SEPTIN2: variants seen among roughly 807,000 people sequenced by gnomAD.
SEPTIN2 encodes the protein septin-2.
Under a neutral mutation model 46.5 loss-of-function variants are expected in SEPTIN2, and 34 were observed. The observed-to-expected ratio is 0.73, with a 90% CI of 0.56 to 0.97. The LOEUF is 0.97. SEPTIN2 is among the 50% of genes least tolerant of loss of function. SEPTIN2 has a pLI of 0.00. For synonymous variants in SEPTIN2, 175 were observed against 153.4 expected (o/e 1.14, Z -1.04); for missense variants, 347 against 448.4 (o/e 0.77, Z 2.04).
At position 241,315,925 on chromosome 2, in the gene SEPTIN2, A is replaced by G. The variant is rs1200712527; in HGVS notation, c.-75A>G. 1.3e-5 allele frequency: 2 copies of G among 151,494 alleles called. No individual in the cohort carries two copies. Among genetic ancestry groups the G allele is most frequent in the African/African-American group, 4.9e-5 (2 of 41,212 alleles). 9.4% of individuals were successfully genotyped at this position (151,494 alleles called of 1,614,324 possible). A position where few individuals can be genotyped will look rare whatever the true frequency, so the allele number is the denominator to read the frequency against. ...TGGGGCGGGCTGTGAGCGGACCGCG[A>G]GCGCTGGGCGGGTCCGCGGCGCGGT... On this transcript the variant is annotated 5_prime_UTR_variant, in exon 1 of 13. Coordinates refer to ENST00000391971, the MANE Select transcript of SEPTIN2 (RefSeq NM_004404.5).
chr2:241,338,974 A>T (rs1228579728), intron 7 of SEPTIN2, among the ~76,000 whole-genome samples: 1 of 107,506 alleles, frequency 9.3e-6, no homozygotes, highest in Non-Finnish European at 1.7e-5. Context: ...TATAAATATA[A>T]TATATAAATA....
In SEPTIN2 at chr2:241,324,210, TA is replaced by T; in HGVS notation, c.-17-4del. The T allele has an allele frequency of 6.2e-7, 1 of 1,610,068 alleles. No individual in the cohort carries two copies. The highest frequency in any genetic ancestry group is 2.2e-5 in the East Asian group (1 of 44,836). On this transcript the variant is annotated splice_polypyrimidine_tract_variant and splice_region_variant and intron_variant, in intron 1 of 12. Coordinates refer to ENST00000391971, the MANE Select transcript of SEPTIN2 (RefSeq NM_004404.5). Reference sequence around the variant, plus strand: ...TATGTGTGTCTGTGTGTTTTTTTTTTAACAGACGAAGCTTCACAAAAGATGT... The same window carrying T: ...TATGTGTGTCTGTGTGTTTTTTTTTTACAGACGAAGCTTCACAAAAGATGT...
intron 3 of SEPTIN2, among the ~76,000 whole-genome samples, chr2:241,326,637 T>C (rs2149913618): frequency 6.8e-6 from 1 of 148,062 alleles, no homozygotes; most frequent in Middle Eastern, 3.4e-3. Context: ...GACTAGGTCA[T>C]AAAAGGCATT....
At chr2:241,348,225 G>T (rs1477580126) in intron 11 of SEPTIN2, 34 bp downstream of exon 11, 2 of 1,593,654 alleles carry the variant, frequency 1.3e-6, no homozygotes, top group African/African-American at 1.3e-5. Flanking sequence ...TGGTTGGTTG[G>T]TTGGTTGTTT....
intron 1 of SEPTIN2, chr2:241,316,605 T>G: frequency 7.4e-7 from 1 of 1,349,096 alleles, no homozygotes; most frequent in Non-Finnish European, 9.8e-7. Context: ...GCCGCCGAGT[T>G]GGCCCGGGGA....
Position 241,352,413 on chromosome 2 carries a change from A to C in SEPTIN2, c.*476A>C, listed in dbSNP as rs985005401. On this transcript the variant is annotated 3_prime_UTR_variant, in exon 13 of 13. Coordinates refer to ENST00000391971, the MANE Select transcript of SEPTIN2 (RefSeq NM_004404.5). ...TGGTGCAAGGCCATCTGCTTACCAC[A>C]TCACACCACTTGGAGATCTTTGCTT... 6.6e-6 allele frequency: 1 copy of C among 152,654 alleles called. No individual in the cohort carries two copies. 9.5% of individuals were successfully genotyped at this position (152,654 alleles called of 1,614,324 possible).
intron 1 of SEPTIN2, 49 bp from the exon 2 acceptor site, chr2:241,324,167 A>G (rs180712829): frequency 5.1e-6 from 8 of 1,578,210 alleles, no homozygotes; most frequent in Middle Eastern, 1.7e-4. Flanking sequence ...GTATACATAC[A>G]TACTATGTAT....
intron 7 of SEPTIN2, among the ~76,000 whole-genome samples, chr2:241,338,860 AAAT>A (rs1351239855): frequency 4.4e-5 from 4 of 90,220 alleles, no homozygotes; most frequent in East Asian, 2.7e-4. Context: ...ATATATATAA[AAAT>A]ATATATATTT....
chr2:241,329,195 G>A (rs2078551575), intron 3 of SEPTIN2, among the ~76,000 whole-genome samples: 1 of 151,386 alleles, frequency 6.6e-6, no homozygotes, highest in Non-Finnish European at 1.5e-5. Flanking sequence ...GCACGATCTT[G>A]GCTCACTGCA....
At chr2:241,339,547 A>G (rs1209922469) in intron 7 of SEPTIN2, among the ~76,000 whole-genome samples, 1 of 152,148 alleles carries the variant, frequency 6.6e-6, no homozygotes, top group East Asian at 1.9e-4. Flanking sequence ...TCATATATAT[A>G]CTGTATCCTA....
chr2:241,321,226 G>A (rs1162222369), intron 1 of SEPTIN2, among the ~76,000 whole-genome samples: 1 of 151,714 alleles, frequency 6.6e-6, no homozygotes, highest in African/African-American at 2.4e-5. Flanking sequence ...TACTGAATCT[G>A]TCCGGTTCTC....
chr2:241,338,941 T>TATATTATATATATAATATATATTATAA (rs2080810891), intron 7 of SEPTIN2, among the ~76,000 whole-genome samples: 1 of 97,736 alleles, frequency 1.0e-5, no homozygotes, highest in Non-Finnish European at 1.9e-5. Context: ...ATTTATTATA[T>TATATTATATATATAATATATATTATAA]ATATTATATA....
intron 1 of SEPTIN2, among the ~76,000 whole-genome samples, chr2:241,323,695 A>G (rs181398713): frequency 2.8e-4 from 42 of 152,362 alleles, no homozygotes; most frequent in African/African-American, 9.9e-4. Context: ...ATTTAAGTAC[A>G]GAGTGTAAGC....
chr2:241,338,837 TAA>T, intron 7 of SEPTIN2, among the ~76,000 whole-genome samples: 1 of 99,072 alleles, frequency 1.0e-5, no homozygotes, highest in African/African-American at 4.8e-5. Flanking sequence ...ATAATATATA[TAA>T]TAAATATATA....
intron 2 of SEPTIN2, 42 bp from the exon 3 acceptor site, chr2:241,325,951 C>T (rs745380942): frequency 1.3e-6 from 2 of 1,575,710 alleles, no homozygotes; most frequent in Non-Finnish European, 1.7e-6. Context: ...AAAGCAACTA[C>T]TAAGGTGTTT....
chr2:241,332,011 G>A (rs1349527081), intron 3 of SEPTIN2, among the ~76,000 whole-genome samples: 1 of 152,114 alleles, frequency 6.6e-6, no homozygotes, highest in Non-Finnish European at 1.5e-5. Context: ...ACAACTAGAT[G>A]ATTATGTGTG....
chr2:241,333,860 A>G (rs182685592), intron 3 of SEPTIN2, among the ~76,000 whole-genome samples: 197 of 152,138 alleles, frequency 1.3e-3, no homozygotes, highest in Admixed American at 4.3e-3. Context: ...GAATTGTTTT[A>G]TTCTGTAAGG....
intron 1 of SEPTIN2, among the ~76,000 whole-genome samples, chr2:241,321,078 T>G (rs2077045997): frequency 6.6e-6 from 1 of 152,222 alleles, no homozygotes; most frequent in South Asian, 2.1e-4. Context: ...TTTTCAAATT[T>G]TGTTTAGGCT....
At position 241,323,159 on chromosome 2, in the gene SEPTIN2, C is replaced by A. The variant is rs535087490; in HGVS notation, c.-17-1057C>A. 9.2e-5 allele frequency among the ~76,000 whole-genome samples: 14 copies of A among 151,804 alleles called. No homozygotes were observed. In the South Asian group the frequency reaches 1.0e-3, roughly 11 times the overall value. On this transcript the variant is annotated intron_variant, in intron 1 of 12. Transcript: ENST00000391971. ...GGGATTACAGGCGTCAGCCACTGCACCCAGCCACCATCTAATTTTTTTTTT... is the reference window on the plus strand; with the variant it reads ...GGGATTACAGGCGTCAGCCACTGCAACCAGCCACCATCTAATTTTTTTTTT...
Sources: gnomAD v4.1 joint callset for allele counts (sites outside exome capture counted in the v4.1 genomes callset) on GRCh38, gnomAD v4.1.1 for gene constraint, MANE v1.5 for transcripts, NCBI Gene and HGNC (gene_info 2026-07-23, HGNC 2026-07-21) for gene names.